Variants in R3HDM1 observed in about 807,000 individuals in gnomAD.
R3HDM1 encodes R3H domain-containing protein 1.
Under a neutral mutation model 141.1 loss-of-function variants are expected in R3HDM1, and 46 were observed. That is an observed-to-expected ratio of 0.33 (90% confidence interval 0.26 to 0.42). The LOEUF (loss-of-function observed/expected upper bound fraction) is 0.42. Among genes scored for constraint, R3HDM1 ranks in the 10% least tolerant of loss-of-function variants. R3HDM1 has a pLI of 1.00. For missense variants in R3HDM1, 1,184 were observed against 1,368.3 expected (o/e 0.87, Z 2.12); for synonymous variants, 435 against 472.9 (o/e 0.92, Z 1.04).
At chr2:135,585,568 A>G (rs1346681350) in intron 1 of R3HDM1, among the ~76,000 whole-genome samples, 1 of 152,250 alleles carries the variant, frequency 6.6e-6, no homozygotes, top group African/African-American at 2.4e-5. Flanking sequence ...GTTAGAATCC[A>G]GAAAACATAC....
At chr2:135,586,129 A>G (rs1707855998) in intron 1 of R3HDM1, 1 of 152,202 alleles carries the variant, frequency 6.6e-6, no homozygotes, top group Admixed American at 6.5e-5. Context: ...ATTGTTGTGC[A>G]ACAATATTTT....
intron 1 of R3HDM1, chr2:135,596,964 A>G: frequency 1.1e-6 from 1 of 932,234 alleles, no homozygotes; most frequent in Non-Finnish European, 1.3e-6. Flanking sequence ...AATTCATTTG[A>G]TAGCACAAAT....
chr2:135,661,527 C>G, intron 19 of R3HDM1, 134 bp downstream of exon 19: 1 of 1,147,556 alleles, frequency 8.7e-7, no homozygotes, highest in South Asian at 1.6e-5. Flanking sequence ...GTTTGCAAAC[C>G]AATGAGATTA....
chr2:135,579,335 C>T (rs1374351373), intron 1 of R3HDM1, among the ~76,000 whole-genome samples: 1 of 152,086 alleles, frequency 6.6e-6, no homozygotes, highest in Admixed American at 6.5e-5. Context: ...AACACATGTA[C>T]AGGCATTTAG....
chr2:135,540,152 T>C (rs1410135723), intron 1 of R3HDM1, among the ~76,000 whole-genome samples: 4 of 152,208 alleles, frequency 2.6e-5, no homozygotes, highest in African/African-American at 9.6e-5. Flanking sequence ...GAAACCACAT[T>C]CTTTGCTCAT....
At chr2:135,644,668 A>C (rs1387083184) in intron 15 of R3HDM1, among the ~76,000 whole-genome samples, 1 of 152,198 alleles carries the variant, frequency 6.6e-6, no homozygotes, top group Non-Finnish European at 1.5e-5. Context: ...CTCCTAATAA[A>C]AACTAATGAA....
intron 21 of R3HDM1, among the ~76,000 whole-genome samples, chr2:135,691,720 G>C (rs905099278): frequency 2.6e-5 from 4 of 151,696 alleles, no homozygotes; most frequent in African/African-American, 9.7e-5. Context: ...TTGAACCTGG[G>C]AGGCAGAGGC....
intron 1 of R3HDM1, among the ~76,000 whole-genome samples, chr2:135,555,096 T>C (rs1700477071): frequency 6.6e-6 from 1 of 152,032 alleles, no homozygotes; most frequent in South Asian, 2.1e-4. Context: ...GGTCAAGAGA[T>C]GGAGACTTTC....
In R3HDM1 at chr2:135,638,633, G is replaced by A. The variant is rs202129033; in HGVS notation, c.919G>A (p.Glu307Lys). 130 of 1,609,836 alleles carry A rather than the reference G, an allele frequency of 8.1e-5. No homozygotes were observed. Among genetic ancestry groups the A allele is most frequent in the Non-Finnish European group, 3.6e-5 (42 of 1,176,486 alleles). The change falls in exon 12 of 27, where the codon GAG becomes AAG. Residue 307 changes from glutamate to lysine, a missense_variant. By Grantham distance (56) the Glu-to-Lys change is moderately conservative (BLOSUM62 1). This residue lies in a region of R3HDM1 where 240 missense variants were observed against 312.3 expected (regional missense o/e 0.77). Coordinates refer to ENST00000683871, the MANE Select transcript of R3HDM1 (RefSeq NM_001378107.1). ...IFSQDSLCSQ[E>K]NYIIDKRLQD... Reference sequence around the variant, plus strand: ...TTTTTTCTAGTCCCTGTGTTCCCAAGAGAATTACATTATTGACAAAAGGTG... The same window carrying A: ...TTTTTTCTAGTCCCTGTGTTCCCAAAAGAATTACATTATTGACAAAAGGTG...
rs557165422 is a variant in R3HDM1 at position 135,699,025 on chromosome 2, A to T, written c.2460-10408A>T. Reference sequence around the variant, plus strand: ...TAGATAGATAGATAGATAGATAGATAGATAGATAGATAGATAGATAAGATA... The same window carrying T: ...TAGATAGATAGATAGATAGATAGATTGATAGATAGATAGATAGATAAGATA... On this transcript the variant is annotated intron_variant, in intron 21 of 26. Transcript: ENST00000683871. 8.9e-4 allele frequency among the ~76,000 whole-genome samples: 105 copies of T among 118,222 alleles called. 1 individual carries two copies. The highest frequency in any genetic ancestry group is 3.4e-3 in the South Asian group (14 of 4,094). The allele number at this position is 118,222 out of a possible 152,430, so 77.6% of individuals were successfully genotyped here.
intron 4 of R3HDM1, 125 bp from the exon 5 acceptor site, chr2:135,616,542 TG>T: frequency 1.3e-6 from 1 of 749,094 alleles, no homozygotes; most frequent in South Asian, 2.2e-5. Flanking sequence ...ATATTTAACT[TG>T]CACATTTCAT....
At chr2:135,587,756 C>T (rs1708269731) in intron 1 of R3HDM1, among the ~76,000 whole-genome samples, 1 of 152,098 alleles carries the variant, frequency 6.6e-6, no homozygotes, top group African/African-American at 2.4e-5. Context: ...CATACTTTTG[C>T]TCATTTTCAT....
At chr2:135,558,170 C>A (rs979186052) in intron 1 of R3HDM1, among the ~76,000 whole-genome samples, 2 of 152,168 alleles carry the variant, frequency 1.3e-5, no homozygotes, top group African/African-American at 4.8e-5. Context: ...TTGGTACCAT[C>A]CAATAGAGTT....
intron 1 of R3HDM1, among the ~76,000 whole-genome samples, chr2:135,582,118 A>G (rs540094020): frequency 1.5e-4 from 23 of 152,200 alleles, no homozygotes; most frequent in Non-Finnish European, 3.1e-4. Flanking sequence ...ACCTGAGGTC[A>G]GGAATTCGTT....
At chr2:135,669,254 T>A in intron 19 of R3HDM1, 1 of 985,380 alleles carries the variant, frequency 1.0e-6, no homozygotes, top group Non-Finnish European at 1.2e-6. Context: ...GAGAGGACAT[T>A]GTGGGCTAAT....
chr2:135,630,298 A>AAC (rs1399979902), intron 7 of R3HDM1, among the ~76,000 whole-genome samples: 5 of 145,566 alleles, frequency 3.4e-5, no homozygotes, highest in African/African-American at 1.4e-4. Context: ...AAAAAAAAAA[A>AAC]AAAAAAAAAA....
At chr2:135,698,261 G>A (rs1442068555) in intron 21 of R3HDM1, among the ~76,000 whole-genome samples, 3 of 150,608 alleles carry the variant, frequency 2.0e-5, no homozygotes, top group African/African-American at 7.3e-5. Context: ...CCGGGTTCAC[G>A]CCTTTCTCCT....
chr2:135,715,349 G>A (rs1486967315), intron 23 of R3HDM1, among the ~76,000 whole-genome samples: 4 of 152,014 alleles, frequency 2.6e-5, no homozygotes, highest in African/African-American at 9.7e-5. Context: ...TCCAGCCTGG[G>A]CAACAGAGTG....
intron 23 of R3HDM1, among the ~76,000 whole-genome samples, chr2:135,713,501 A>T (rs1381086889): frequency 6.6e-6 from 1 of 152,212 alleles, no homozygotes; most frequent in Non-Finnish European, 1.5e-5. Flanking sequence ...AAATTAAATA[A>T]TAAGTGCAAA....
Sources: gnomAD v4.1 joint callset for allele counts (sites outside exome capture counted in the v4.1 genomes callset) on GRCh38, gnomAD v4.1.1 for gene constraint, gnomAD v4.1.1 regional missense constraint, MANE v1.5 for transcripts, NCBI Gene and HGNC (gene_info 2026-07-23, HGNC 2026-07-21) for gene names.